IL1RAPL2: variants seen among roughly 807,000 people sequenced by gnomAD.
The protein encoded by IL1RAPL2 is interleukin 1 receptor accessory protein like 2, also known as X-linked interleukin-1 receptor accessory protein-like 2.
In IL1RAPL2, 3 loss-of-function variants were observed where a neutral mutation model predicts 44.1. The ratio of observed to expected loss-of-function variants is 0.07; its 90% CI spans 0.03 to 0.18. The LOEUF (loss-of-function observed/expected upper bound fraction) is 0.18. Among genes scored for constraint, IL1RAPL2 ranks in the 10% least tolerant of loss-of-function variants. The probability of loss-of-function intolerance (pLI) is 1.00; values close to 1 mark genes in which losing one functional copy is unlikely to be tolerated. For missense variants in IL1RAPL2, 391 were observed against 496.4 expected (o/e 0.79, Z 2.02); for synonymous variants, 181 against 178.8 (o/e 1.01, Z -0.10).
At chrX:104,774,212 A>C (rs2147598955) in intron 2 of IL1RAPL2, among the ~76,000 whole-genome samples, 1 of 112,101 alleles carries the variant, frequency 8.9e-6, no homozygotes, top group East Asian at 2.8e-4. Context: ...TACAAGGAAC[A>C]CTTTCCAGGG....
intron 2 of IL1RAPL2, among the ~76,000 whole-genome samples, chrX:104,905,890 TG>T (rs1174957851): frequency 3.6e-5 from 4 of 110,641 alleles, no homozygotes; most frequent in African/African-American, 1.3e-4. Flanking sequence ...TAAATTACCT[TG>T]GGCAGTATGG....
chrX:105,277,971 C>T (rs1439319459), intron 5 of IL1RAPL2, among the ~76,000 whole-genome samples: 2 of 111,539 alleles, frequency 1.8e-5, no homozygotes, highest in Non-Finnish European at 3.8e-5. Context: ...TGACACAGGG[C>T]TATCTATTAA....
rs61077941 is a variant in IL1RAPL2, at chrX:105,630,516, T to TTA, written c.773-86851_773-86850insTA. ...AATTCAGAGCTTTTTTTTTTTTTTTTAACTAAAGGGTGTTGCTTCTCCATA... is the reference window on the plus strand; with the variant it reads ...AATTCAGAGCTTTTTTTTTTTTTTTTTAAACTAAAGGGTGTTGCTTCTCCATA... On this transcript the variant is annotated intron_variant, in intron 6 of 10. Transcript: ENST00000372582. Among the ~76,000 whole-genome samples, 265 of 108,051 alleles carry TTA rather than the reference T, an allele frequency of 2.5e-3. 4 individuals carry two copies. The highest frequency in any genetic ancestry group is 0.023 in the Admixed American group (228 of 10,034). The allele number at this position is 108,051 out of a possible 115,157, so 93.8% of individuals were successfully genotyped here.
chrX:105,301,270 T>C (rs988781331), intron 5 of IL1RAPL2, among the ~76,000 whole-genome samples: 2 of 111,578 alleles, frequency 1.8e-5, no homozygotes, highest in Non-Finnish European at 3.8e-5. Context: ...TTAATTTTTA[T>C]TTTTTGTAGG....
At chrX:105,023,937 G>T (rs184039619) in intron 2 of IL1RAPL2, among the ~76,000 whole-genome samples, 12 of 110,822 alleles carry the variant, frequency 1.1e-4, no homozygotes, top group African/African-American at 3.6e-4. Context: ...GCCTAAAAGT[G>T]ATTTTTTCCA....
At chrX:104,627,586 T>A (rs1929541898) in intron 1 of IL1RAPL2, among the ~76,000 whole-genome samples, 2 of 111,591 alleles carry the variant, frequency 1.8e-5, no homozygotes, top group African/African-American at 6.5e-5. Context: ...ATCACTTCCC[T>A]AAGTATAAAG....
intron 5 of IL1RAPL2, among the ~76,000 whole-genome samples, chrX:105,274,237 A>G (rs16984678): frequency 0.037 from 4,153 of 111,894 alleles, 216 homozygotes; most frequent in African/African-American, 0.13. Context: ...TTAGCACTTT[A>G]GTTAAGATCG....
intron 2 of IL1RAPL2, among the ~76,000 whole-genome samples, chrX:105,140,807 A>G (rs2033119569): frequency 8.9e-6 from 1 of 112,350 alleles, no homozygotes; most frequent in Non-Finnish European, 1.9e-5. Flanking sequence ...CCAATTGTGA[A>G]ATAAATTAGT....
At chrX:104,653,107 C>G (rs750401729) in intron 1 of IL1RAPL2, among the ~76,000 whole-genome samples, 2 of 111,189 alleles carry the variant, frequency 1.8e-5, no homozygotes, top group African/African-American at 3.3e-5. Context: ...GTAGTTATAA[C>G]AGCCTGCTGA....
chrX:104,896,117 C>A (rs1048296359), intron 2 of IL1RAPL2, among the ~76,000 whole-genome samples: 1 of 111,692 alleles, frequency 9.0e-6, no homozygotes, highest in African/African-American at 3.3e-5. Flanking sequence ...CACACAACAC[C>A]TTTCAAACTC....
chrX:105,447,180 TAA>T (rs1487334754), intron 5 of IL1RAPL2, among the ~76,000 whole-genome samples: 9 of 27,630 alleles, frequency 3.3e-4, no homozygotes, highest in African/African-American at 2.8e-3. Context: ...AATATATATA[TAA>T]ATATAAATAT....
intron 5 of IL1RAPL2, among the ~76,000 whole-genome samples, chrX:105,374,337 T>C (rs1441409698): frequency 9.0e-6 from 1 of 110,712 alleles, no homozygotes; most frequent in African/African-American, 3.3e-5. Flanking sequence ...TGGTTTCGTA[T>C]GAGTTTTAAA....
At chrX:105,337,648 T>C (rs1231301414) in intron 5 of IL1RAPL2, among the ~76,000 whole-genome samples, 1 of 111,566 alleles carries the variant, frequency 9.0e-6, no homozygotes, top group Non-Finnish European at 1.9e-5. Context: ...TCCCAGCACT[T>C]TGGGAGGCTG....
intron 5 of IL1RAPL2, among the ~76,000 whole-genome samples, chrX:105,323,812 G>T (rs1412567659): frequency 1.8e-5 from 2 of 109,636 alleles, no homozygotes; most frequent in Non-Finnish European, 3.8e-5. Context: ...GGAGGTGGAG[G>T]TTGCAGCGAG....
chrX:105,657,884 G>C (rs2037687734), intron 6 of IL1RAPL2, among the ~76,000 whole-genome samples: 1 of 109,930 alleles, frequency 9.1e-6, no homozygotes, highest in African/African-American at 3.3e-5. Flanking sequence ...CAAAGTGCTG[G>C]GATTAGAGGC....
chrX:105,089,547 C>A (rs942962282), intron 2 of IL1RAPL2, among the ~76,000 whole-genome samples: 1 of 111,164 alleles, frequency 9.0e-6, no homozygotes, highest in African/African-American at 3.3e-5. Flanking sequence ...CCATCCCCTA[C>A]TCCGCCTCCA....
intron 2 of IL1RAPL2, among the ~76,000 whole-genome samples, chrX:104,845,282 C>G (rs1175965341): frequency 8.9e-6 from 1 of 112,036 alleles, no homozygotes; most frequent in Non-Finnish European, 1.9e-5. Context: ...AACAGTTTGT[C>G]AAAAATATTC....
At chrX:105,413,318 G>A (rs2035710478) in intron 5 of IL1RAPL2, among the ~76,000 whole-genome samples, 1 of 111,509 alleles carries the variant, frequency 9.0e-6, no homozygotes, top group African/African-American at 3.3e-5. Context: ...GAGGAGTAAG[G>A]CTATTAATTA....
intron 5 of IL1RAPL2, among the ~76,000 whole-genome samples, chrX:105,394,054 A>G (rs1376202543): frequency 8.9e-6 from 1 of 112,060 alleles, no homozygotes; most frequent in African/African-American, 3.2e-5. Context: ...GGCTTTGGAT[A>G]CTCTGAACTG....
Sources: allele counts gnomAD v4.1 joint callset (sites outside exome capture counted in the v4.1 genomes callset), GRCh38; gene constraint gnomAD v4.1.1; transcripts MANE v1.5; gene names NCBI Gene and HGNC (gene_info 2026-07-23, HGNC 2026-07-21).